Variants in ME3 observed in about 807,000 individuals in gnomAD.
ME3 encodes NADP-dependent malic enzyme, mitochondrial.
In ME3, 48 loss-of-function variants were observed where a neutral mutation model predicts 68.9. The ratio of observed to expected loss-of-function variants is 0.70; its 90% CI spans 0.55 to 0.89. The LOEUF is 0.89. Among genes scored for constraint, ME3 ranks in the 40% least tolerant of loss-of-function variants. ME3 has a pLI of 0.00. For missense variants in ME3, 675 were observed against 797.4 expected (o/e 0.85, Z 1.85); for synonymous variants, 320 against 318.8 (o/e 1.00, Z -0.04).
chr11:86,489,442 CA>C (rs1417230519), intron 6 of ME3, among the ~76,000 whole-genome samples: 1 of 152,212 alleles, frequency 6.6e-6, no homozygotes, highest in African/African-American at 2.4e-5. Flanking sequence ...TTAGCTTTCA[CA>C]GTGCCTCCAA....
At chr11:86,536,105 TGTCTATTTCCTTGTGTGGAAGGGGGCTG>T (rs1269147307) in intron 4 of ME3, among the ~76,000 whole-genome samples, 3 of 152,188 alleles carry the variant, frequency 2.0e-5, no homozygotes, top group African/African-American at 7.2e-5. Context: ...TTTCCTGAAT[TGTCTATTTCCTTGTGTGGAAGGGGGCTG>T]CCTTGTCTGT....
chr11:86,489,397 A>G (rs1253662111), intron 6 of ME3, among the ~76,000 whole-genome samples: 1 of 152,188 alleles, frequency 6.6e-6, no homozygotes, highest in African/African-American at 2.4e-5. Flanking sequence ...AGCTTGGTGA[A>G]TTATAACATA....
At chr11:86,636,132 G>C (rs561437274) in intron 2 of ME3, among the ~76,000 whole-genome samples, 1 of 152,304 alleles carries the variant, frequency 6.6e-6, no homozygotes, top group East Asian at 1.9e-4. Flanking sequence ...TGTAGGAATT[G>C]GAGGCAATTC....
rs181487483 is a variant in ME3, at chr11:86,607,757, A to T, written c.184-47934T>A. 2.3e-3 allele frequency among the ~76,000 whole-genome samples: 355 copies of T among 151,678 alleles called. 2 individuals are homozygous for T. The highest frequency in any genetic ancestry group is 3.9e-3 in the Admixed American group (60 of 15,236). On this transcript the variant is annotated intron_variant, in intron 2 of 14. Coordinates refer to ENST00000543262, the Ensembl canonical transcript of ME3. The stretch of plus-strand genomic sequence containing the variant: ...ATATACACATATTTTACATTGAGCA[A>T]AAGTTGATCTCGCAGTGAACTCTCT...
chr11:86,492,367 G>A (rs1952057465), intron 6 of ME3, among the ~76,000 whole-genome samples: 1 of 152,182 alleles, frequency 6.6e-6, no homozygotes, highest in Non-Finnish European at 1.5e-5. Context: ...AAATCACTTG[G>A]TTCTGCTTCC....
intron 2 of ME3, among the ~76,000 whole-genome samples, chr11:86,605,261 A>G (rs1336355833): frequency 2.6e-5 from 4 of 152,204 alleles, no homozygotes; most frequent in African/African-American, 7.2e-5. Context: ...CTGATAGTCA[A>G]GACCCCAGGC....
intron 8 of ME3, among the ~76,000 whole-genome samples, chr11:86,461,572 G>A (rs1198935372): frequency 1.3e-5 from 2 of 152,222 alleles, no homozygotes; most frequent in Non-Finnish European, 2.9e-5. Context: ...TCCATGGGGA[G>A]CTTGAGTTGT....
chr11:86,498,221 G>A (rs1328136722), intron 5 of ME3, 97 bp from the exon 6 acceptor site: 1 of 1,404,164 alleles, frequency 7.1e-7, no homozygotes, highest in East Asian at 2.5e-5. Flanking sequence ...GCGACTGGAT[G>A]CCCACTGACT....
intron 2 of ME3, among the ~76,000 whole-genome samples, chr11:86,669,416 G>A (rs550603857): frequency 6.6e-6 from 1 of 152,318 alleles, no homozygotes; most frequent in Admixed American, 6.5e-5. Flanking sequence ...AATTGATAAG[G>A]AAAAGAGGTT....
At chr11:86,661,454 T>C (rs959174571) in intron 2 of ME3, among the ~76,000 whole-genome samples, 1 of 152,226 alleles carries the variant, frequency 6.6e-6, no homozygotes, top group African/African-American at 2.4e-5. Context: ...TAATTCTATT[T>C]GTAGAATTAG....
intron 4 of ME3, among the ~76,000 whole-genome samples, chr11:86,539,215 C>G (rs1955883122): frequency 6.6e-6 from 1 of 152,128 alleles, no homozygotes; most frequent in African/African-American, 2.4e-5. Context: ...ATAGCCTTGC[C>G]TATGCAGTTT....
At chr11:86,484,904 T>C (rs1951602332) in intron 7 of ME3, among the ~76,000 whole-genome samples, 1 of 152,218 alleles carries the variant, frequency 6.6e-6, no homozygotes, top group South Asian at 2.1e-4. Context: ...ATGGGAATAA[T>C]AATACCTATC....
At chr11:86,446,762 C>A in intron 12 of ME3, 1 of 593,182 alleles carries the variant, frequency 1.7e-6, no homozygotes, top group Admixed American at 3.0e-5. Flanking sequence ...CAGGACATGA[C>A]AGGATGTGGC....
intron 2 of ME3, among the ~76,000 whole-genome samples, chr11:86,593,033 G>A (rs747635144): frequency 6.6e-6 from 1 of 152,178 alleles, no homozygotes; most frequent in Non-Finnish European, 1.5e-5. Flanking sequence ...GGGGTTACAA[G>A]GTTTCAGCAT....
intron 2 of ME3, among the ~76,000 whole-genome samples, chr11:86,624,125 C>T (rs1462274737): frequency 1.3e-5 from 2 of 152,152 alleles, no homozygotes; most frequent in Non-Finnish European, 2.9e-5. Flanking sequence ...TGTGGGGCAG[C>T]CATGTTCCCC....
At chr11:86,480,352 C>A (rs1011344287) in intron 7 of ME3, among the ~76,000 whole-genome samples, 3 of 152,232 alleles carry the variant, frequency 2.0e-5, no homozygotes, top group Non-Finnish European at 2.9e-5. Flanking sequence ...TGTATTCCCT[C>A]ACGGGATAAG....
At chr11:86,560,702 A>ATG (rs1957163076) in intron 2 of ME3, among the ~76,000 whole-genome samples, 1 of 54,484 alleles carries the variant, frequency 1.8e-5, no homozygotes, top group African/African-American at 5.5e-5. Flanking sequence ...GTATATAATG[A>ATG]TATGTGTGTG....
intron 7 of ME3, among the ~76,000 whole-genome samples, chr11:86,476,656 T>C (rs1594107525): frequency 6.6e-6 from 1 of 152,250 alleles, no homozygotes; most frequent in South Asian, 2.1e-4. Context: ...ACACGGACCA[T>C]ACTGCTCCCC....
chr11:86,535,469 C>G (rs1304068183), intron 4 of ME3, among the ~76,000 whole-genome samples: 3 of 152,194 alleles, frequency 2.0e-5, no homozygotes, highest in Non-Finnish European at 4.4e-5. Context: ...AGGACATAAT[C>G]TCATTTCACT....
Sources: gnomAD v4.1 joint callset for allele counts (sites outside exome capture counted in the v4.1 genomes callset) on GRCh38, gnomAD v4.1.1 for gene constraint, MANE v1.5 for transcripts, NCBI Gene and HGNC (gene_info 2026-07-23, HGNC 2026-07-21) for gene names.